ABLIM1: variants seen among roughly 807,000 people sequenced by gnomAD.
ABLIM1 encodes actin-binding LIM protein 1.
Under a neutral mutation model 107.0 loss-of-function variants are expected in ABLIM1, and 40 were observed. The observed-to-expected ratio is 0.37, with a 90% CI of 0.29 to 0.49. The LOEUF is 0.49. Ranked by LOEUF, ABLIM1 falls within the 20% of genes least tolerant of loss-of-function variation. The pLI is 0.97. For missense variants in ABLIM1, 857 were observed against 1,008.5 expected (o/e 0.85, Z 2.04); for synonymous variants, 357 against 357.3 (o/e 1.00, Z 0.01).
chr10:114,756,809 C>A (rs1265991695), intron 1 of ABLIM1, among the ~76,000 whole-genome samples: 2 of 152,126 alleles, frequency 1.3e-5, no homozygotes, highest in Non-Finnish European at 2.9e-5. Flanking sequence ...CTTCCTTGGC[C>A]CCATATCCAA....
chr10:114,620,875 C>G (rs1463291231), intron 1 of ABLIM1, among the ~76,000 whole-genome samples: 1 of 152,198 alleles, frequency 6.6e-6, no homozygotes, highest in Non-Finnish European at 1.5e-5. Context: ...CAAAGTAACT[C>G]TTCCCTTTAG....
chr10:114,692,048 C>T (rs1011359554), intron 1 of ABLIM1, among the ~76,000 whole-genome samples: 1 of 152,208 alleles, frequency 6.6e-6, no homozygotes, highest in Non-Finnish European at 1.5e-5. Flanking sequence ...TCCATGGAAG[C>T]TTCATTCAAA....
chr10:114,618,262 T>C (rs1391890496), intron 1 of ABLIM1, among the ~76,000 whole-genome samples: 2 of 152,250 alleles, frequency 1.3e-5, no homozygotes, highest in Non-Finnish European at 2.9e-5. Flanking sequence ...ATTCCCTTTC[T>C]TGTACAATGG....
chr10:114,673,926 AG>A (rs1477745339), intron 1 of ABLIM1, among the ~76,000 whole-genome samples: 2 of 152,202 alleles, frequency 1.3e-5, no homozygotes, highest in African/African-American at 2.4e-5. Flanking sequence ...GGCAAAATTC[AG>A]GCAAATGTAA....
At chr10:114,754,141 T>G (rs985321204) in intron 1 of ABLIM1, among the ~76,000 whole-genome samples, 1 of 152,168 alleles carries the variant, frequency 6.6e-6, no homozygotes, top group Non-Finnish European at 1.5e-5. Context: ...TGTGAGCCAC[T>G]GCGCCCAGCC....
At chr10:114,591,962 C>A (rs1045492671) in intron 2 of ABLIM1, among the ~76,000 whole-genome samples, 1 of 151,968 alleles carries the variant, frequency 6.6e-6, no homozygotes, top group African/African-American at 2.4e-5. Flanking sequence ...GATATTCAAC[C>A]CATATATCAC....
At chr10:114,559,325 G>A (rs944048765) in intron 4 of ABLIM1, among the ~76,000 whole-genome samples, 2 of 151,546 alleles carry the variant, frequency 1.3e-5, no homozygotes, top group Non-Finnish European at 2.9e-5. Context: ...ATTTCTAGTC[G>A]GGTGTGGTGG....
At chr10:114,657,090 A>C (rs1005259651) in intron 1 of ABLIM1, among the ~76,000 whole-genome samples, 11 of 152,270 alleles carry the variant, frequency 7.2e-5, no homozygotes, top group African/African-American at 2.7e-4. Context: ...AAAGCTGTTG[A>C]AAGCTGATTG....
rs550211358 is a variant in ABLIM1 at position 114,575,238 on chromosome 10, T to C, written c.563+178A>G. 4.6e-5 allele frequency among the ~76,000 whole-genome samples: 7 copies of C among 152,326 alleles called. No individual in the cohort carries two copies. In the South Asian group the frequency reaches 1.4e-3, roughly 32 times the overall value. Reference sequence around the variant, plus strand: ...ATTACTTTGTAGAGGACATCACACATACAGTTTCCAACTAATCTACTTTTT... The same window carrying C: ...ATTACTTTGTAGAGGACATCACACACACAGTTTCCAACTAATCTACTTTTT... On this transcript the variant is annotated intron_variant, in intron 3 of 22. Coordinates refer to ENST00000533213, the MANE Select transcript of ABLIM1 (RefSeq NM_002313.7).
chr10:114,474,051 G>A, intron 8 of ABLIM1, 95 bp from the exon 9 acceptor site: 1 of 859,414 alleles, frequency 1.2e-6, no homozygotes, highest in African/African-American at 1.7e-5. Flanking sequence ...CTCAGCTAGT[G>A]AAAAAAAGAA....
chr10:114,451,475 A>G (rs1160346018), intron 14 of ABLIM1, 149 bp downstream of exon 14: 2 of 774,028 alleles, frequency 2.6e-6, no homozygotes, highest in Non-Finnish European at 4.6e-6. Flanking sequence ...TACAATATTT[A>G]CATCTTAGTA....
At chr10:114,740,027 T>C (rs951265438) in intron 1 of ABLIM1, among the ~76,000 whole-genome samples, 1 of 152,164 alleles carries the variant, frequency 6.6e-6, no homozygotes, top group African/African-American at 2.4e-5. Flanking sequence ...GCAAACCTGT[T>C]GGCATCAATT....
the ABLIM1 span, among the ~76,000 whole-genome samples, chr10:114,773,652 G>A: frequency 6.6e-6 from 1 of 152,230 alleles, no homozygotes; most frequent in South Asian, 2.1e-4. Context: ...AACTCAGAAG[G>A]CGGAGGATGC....
intron 6 of ABLIM1, among the ~76,000 whole-genome samples, chr10:114,539,114 T>G (rs2066351297): frequency 1.3e-5 from 2 of 152,220 alleles, no homozygotes; most frequent in Non-Finnish European, 2.9e-5. Flanking sequence ...TCCCAGCACT[T>G]TGGGAGGCCA....
chr10:114,446,814 A>T (rs182781237), intron 15 of ABLIM1, among the ~76,000 whole-genome samples: 1 of 152,222 alleles, frequency 6.6e-6, no homozygotes, highest in Non-Finnish European at 1.5e-5. Context: ...AGTTCTTACA[A>T]TTATAAATGT....
At chr10:114,794,378 C>T in the ABLIM1 span, among the ~76,000 whole-genome samples, 1,084 of 152,096 alleles carry the variant, frequency 7.1e-3, 6 homozygotes, top group African/African-American at 0.025. Flanking sequence ...TCCCATATGC[C>T]CAACAACCAA....
chr10:114,592,552 T>G (rs2075002457), intron 2 of ABLIM1, among the ~76,000 whole-genome samples: 1 of 152,140 alleles, frequency 6.6e-6, no homozygotes, highest in Middle Eastern at 3.2e-3. Context: ...TCATCTTAGC[T>G]GTTGCATTGA....
intron 6 of ABLIM1, among the ~76,000 whole-genome samples, chr10:114,534,358 T>C (rs2065765396): frequency 6.6e-6 from 1 of 152,112 alleles, no homozygotes; most frequent in Non-Finnish European, 1.5e-5. Context: ...CCAGGAACTA[T>C]ATCCCTTACT....
At chr10:114,700,318 T>C (rs1215109456) in intron 1 of ABLIM1, among the ~76,000 whole-genome samples, 3 of 152,188 alleles carry the variant, frequency 2.0e-5, no homozygotes, top group East Asian at 3.8e-4. Flanking sequence ...ATATATATCA[T>C]GTCTATGGAT....
Sources: allele counts gnomAD v4.1 joint callset (sites outside exome capture counted in the v4.1 genomes callset), GRCh38; gene constraint gnomAD v4.1.1; transcripts MANE v1.5; gene names NCBI Gene and HGNC (gene_info 2026-07-23, HGNC 2026-07-21).